CFHR2: variants seen among roughly 807,000 people sequenced by gnomAD.
CFHR2 encodes the protein complement factor H related 2, also known as complement factor H-related protein 2.
In CFHR2, 22 loss-of-function variants were observed where a neutral mutation model predicts 21.7. The observed-to-expected ratio is 1.01, with a 90% CI of 0.72 to 1.45. The LOEUF is 1.45. CFHR2 is among the 40% of genes most tolerant of loss of function. The pLI, the probability that CFHR2 is intolerant of heterozygous loss-of-function variation, is 0.00. For synonymous variants in CFHR2, 98 were observed against 97.4 expected, an observed-to-expected ratio of 1.01 and a Z score of -0.04; for missense variants, 294 against 293.3, an observed-to-expected ratio of 1.00 and a Z score of -0.02.
intron 1 of CFHR2, among the ~76,000 whole-genome samples, chr1:196,944,649 A>G (rs1200235770): frequency 2.6e-5 from 4 of 152,008 alleles, no homozygotes; most frequent in African/African-American, 9.7e-5. Flanking sequence ...CTAGGATACT[A>G]ATTAAACTAT....
chr1:196,946,263 A>C lies in CFHR2; in HGVS notation c.58+2325A>C, dbSNP rs553871847. On this transcript the variant is annotated intron_variant, in intron 1 of 4. Transcript: ENST00000367415. Reference sequence around the variant, plus strand: ...CTAAACTAATTTATTTTATTTATTTATTTACTTCAATAGTTTTGGGGGAGC... The same window carrying C: ...CTAAACTAATTTATTTTATTTATTTCTTTACTTCAATAGTTTTGGGGGAGC... Among the ~76,000 whole-genome samples, 12 of 152,278 alleles carry C rather than the reference A, an allele frequency of 7.9e-5. No homozygotes were observed. In the East Asian group the frequency reaches 2.1e-3, roughly 27 times the overall value.
At chr1:196,948,395 C>A (rs1659597860) in intron 1 of CFHR2, among the ~76,000 whole-genome samples, 1 of 152,238 alleles carries the variant, frequency 6.6e-6, no homozygotes, top group African/African-American at 2.4e-5. Flanking sequence ...TCTGCCTCAG[C>A]CTCCCAAGTA....
At chr1:196,951,941 T>C (rs530882044) in intron 3 of CFHR2, among the ~76,000 whole-genome samples, 32 of 152,268 alleles carry the variant, frequency 2.1e-4, no homozygotes, top group African/African-American at 6.5e-4. Flanking sequence ...ATCACGGTCA[T>C]GTGCTGGGTG....
At chr1:196,944,896 G>C (rs1245605694) in intron 1 of CFHR2, among the ~76,000 whole-genome samples, 1 of 146,600 alleles carries the variant, frequency 6.8e-6, no homozygotes, top group African/African-American at 2.5e-5. Flanking sequence ...TTTTTTTTGA[G>C]ATGGACTTTC....
intron 1 of CFHR2, among the ~76,000 whole-genome samples, chr1:196,944,694 C>T (rs1170447678): frequency 1.3e-5 from 2 of 151,806 alleles, no homozygotes; most frequent in Non-Finnish European, 2.9e-5. Context: ...TATGCTTTAC[C>T]CTTTGATTTC....
intron 1 of CFHR2, among the ~76,000 whole-genome samples, chr1:196,948,554 G>C (rs529274304): frequency 2.6e-5 from 4 of 152,228 alleles, no homozygotes; most frequent in African/African-American, 9.6e-5. Context: ...GGGATTACAG[G>C]TATGAGCTAC....
In CFHR2 at chr1:196,950,983, T is replaced by C; in HGVS notation, c.385T>C (p.Cys129Arg). 6.2e-7 allele frequency: 1 copy of C among 1,614,122 alleles called. No homozygotes were observed. The highest frequency in any genetic ancestry group is 2.2e-5 in the East Asian group (1 of 44,874). Residue 129 changes from cysteine (C) to arginine (R), a missense_variant, in exon 3 of 5, where the codon TGT (cysteine) becomes CGT (arginine). Transcript: ENST00000367415. The part of the protein sequence containing the change: ...RLQNNENNIS[C>R]VERGWSTPPK... The stretch of plus-strand genomic sequence containing the variant: ...TCAAAACAATGAGAACAACATTTCA[T>C]GTGTAGAACGGGGCTGGTCCACTCC...
chr1:196,957,332 T>C (rs1454700451), intron 3 of CFHR2, among the ~76,000 whole-genome samples: 4 of 138,530 alleles, frequency 2.9e-5, no homozygotes, highest in African/African-American at 1.1e-4. Context: ...CAGAGTCTTT[T>C]TATGTTCTTT....
intron 3 of CFHR2, among the ~76,000 whole-genome samples, chr1:196,956,041 C>A (rs1291329653): frequency 6.6e-6 from 1 of 152,100 alleles, no homozygotes; most frequent in Non-Finnish European, 1.5e-5. Context: ...TGTGAACTCA[C>A]TCACTATCAT....
chr1:196,949,613 G>T lies in CFHR2; in HGVS notation c.217G>T (p.Ala73Ser), dbSNP rs372833461. The change falls in exon 2 of 5, where the codon GCA becomes TCA. Residue 73 changes from alanine (A) to serine (S), a missense_variant. Coordinates refer to ENST00000367415, the MANE Select transcript of CFHR2 (RefSeq NM_005666.4). Reference sequence around the variant, plus strand: ...ATCCTTTTGGACTCGCATAACGTGCGCAGAAGAAGGATGGTCACCAACACC... The same window carrying T: ...ATCCTTTTGGACTCGCATAACGTGCTCAGAAGAAGGATGGTCACCAACACC... ...SKSFWTRITC[A>S]EEGWSPTPKC... 3 of 1,613,772 alleles carry T rather than the reference G, an allele frequency of 1.9e-6. No individual in the cohort carries two copies. The African/African-American group carries it at 4.0e-5, about 22-fold the overall frequency.
At chr1:196,946,605 T>C (rs1363704867) in intron 1 of CFHR2, among the ~76,000 whole-genome samples, 1 of 152,190 alleles carries the variant, frequency 6.6e-6, no homozygotes, top group Non-Finnish European at 1.5e-5. Flanking sequence ...CATATTAACC[T>C]CAGCCTACAA....
chr1:196,955,370 T>C (rs1435333026), intron 3 of CFHR2, among the ~76,000 whole-genome samples: 2 of 152,162 alleles, frequency 1.3e-5, no homozygotes, highest in Non-Finnish European at 2.9e-5. Context: ...GGTTCCAAAC[T>C]TTCCCTCATC....
intron 1 of CFHR2, among the ~76,000 whole-genome samples, chr1:196,944,895 A>T (rs1659417948): frequency 6.9e-6 from 1 of 145,320 alleles, no homozygotes; most frequent in Non-Finnish European, 1.5e-5. Flanking sequence ...TTTTTTTTTG[A>T]GATGGACTTT....
In CFHR2 at chr1:196,958,874, C is replaced by T; in HGVS notation, c.614-7C>T. 1 of 1,537,610 alleles carries T rather than the reference C, an allele frequency of 6.5e-7. No homozygotes were observed. The highest frequency in any genetic ancestry group is 8.9e-7 in the Non-Finnish European group (1 of 1,117,496). On this transcript the variant is annotated splice_region_variant and splice_polypyrimidine_tract_variant and intron_variant, in intron 4 of 4. Coordinates refer to ENST00000367415, the MANE Select transcript of CFHR2 (RefSeq NM_005666.4). Reference sequence around the variant, plus strand: ...AATGTTTTATGTTCATTTTTTTCTACTTTCAGATCCATGTGTAATATCACA... The same window carrying T: ...AATGTTTTATGTTCATTTTTTTCTATTTTCAGATCCATGTGTAATATCACA...
intron 1 of CFHR2, among the ~76,000 whole-genome samples, chr1:196,947,786 A>G (rs1226717090): frequency 6.6e-6 from 1 of 152,186 alleles, no homozygotes; most frequent in Non-Finnish European, 1.5e-5. Context: ...AGCTAAATAC[A>G]TACTCAAAGA....
intron 1 of CFHR2, among the ~76,000 whole-genome samples, chr1:196,946,143 C>T (rs1659476378): frequency 6.6e-6 from 1 of 152,196 alleles, no homozygotes; most frequent in South Asian, 2.1e-4. Flanking sequence ...CTGAAAGTTG[C>T]TCTCAGTAAG....
chr1:196,954,048 G>A (rs1652762818), intron 3 of CFHR2, among the ~76,000 whole-genome samples: 1 of 152,172 alleles, frequency 6.6e-6, no homozygotes, highest in Non-Finnish European at 1.5e-5. Context: ...TACTAGTGAT[G>A]GAGTTGAGAA....
At chr1:196,958,376 G>A (rs1652979748) in intron 4 of CFHR2, among the ~76,000 whole-genome samples, 1 of 151,386 alleles carries the variant, frequency 6.6e-6, no homozygotes, top group East Asian at 1.9e-4. Flanking sequence ...CACCACCTAT[G>A]GTTACCATTG....
At chr1:196,956,625 C>T (rs943583723) in intron 3 of CFHR2, among the ~76,000 whole-genome samples, 5 of 151,882 alleles carry the variant, frequency 3.3e-5, no homozygotes, top group African/African-American at 7.3e-5. Flanking sequence ...CTGTCATCTC[C>T]CAGTGTGTTA....
Sources: allele counts gnomAD v4.1 joint callset (sites outside exome capture counted in the v4.1 genomes callset), GRCh38; gene constraint gnomAD v4.1.1; transcripts MANE v1.5; gene names NCBI Gene and HGNC (gene_info 2026-07-23, HGNC 2026-07-21).